SH3GL2: variants seen among roughly 807,000 people sequenced by gnomAD.
The protein encoded by SH3GL2 is endophilin-A1.
SH3GL2 carries 24 observed loss-of-function variants against 46.0 expected under a neutral mutation model. The ratio of observed to expected loss-of-function variants is 0.52; its 90% CI spans 0.38 to 0.73. The LOEUF is 0.73. Among genes scored for constraint, SH3GL2 ranks in the 30% least tolerant of loss-of-function variants. The pLI is 0.00. For missense variants in SH3GL2, 413 were observed against 424.2 expected (o/e 0.97, Z 0.23); for synonymous variants, 196 against 147.1 (o/e 1.33, Z -2.40).
chr9:17,740,225 A>C (rs1375755470), intron 1 of SH3GL2, among the ~76,000 whole-genome samples: 2 of 152,150 alleles, frequency 1.3e-5, no homozygotes, highest in African/African-American at 4.8e-5. Context: ...TAGGAAAATA[A>C]ATATATATTT....
At chr9:17,735,727 G>C in intron 1 of SH3GL2, 1 of 969,596 alleles carries the variant, frequency 1.0e-6, no homozygotes, top group Non-Finnish European at 1.2e-6. Context: ...AGAGTTGATT[G>C]AGGCAGTAGG....
intron 1 of SH3GL2, chr9:17,653,947 C>A (rs545146067): frequency 4.9e-6 from 3 of 611,794 alleles, no homozygotes; most frequent in East Asian, 1.4e-4. Context: ...AATGACTAGG[C>A]AGATCTTCTT....
At position 17,795,639 on chromosome 9, in the gene SH3GL2, C is replaced by G; in HGVS notation, c.955C>G (p.Leu319Val). The G allele has an allele frequency of 1.2e-6, 2 of 1,613,866 alleles. No individual in the cohort carries two copies. The highest frequency in any genetic ancestry group is 1.7e-6 in the Non-Finnish European group (2 of 1,179,762). The change falls in exon 9 of 9, where the codon CTC (leucine) becomes GTC (valine). Residue 319 changes from leucine (L) to valine (V), a missense_variant. This residue lies in a region of SH3GL2 where 248 missense variants were observed against 215.0 expected (regional missense o/e 1.15). Coordinates refer to ENST00000380607, the MANE Select transcript of SH3GL2 (RefSeq NM_003026.5). ...LGFKEGDIIT[L>V]TNQIDENWYE... ...ATTTAAAGAGGGCGATATCATCACA[C>G]TCACTAACCAAATTGATGAGAACTG...
chr9:17,612,803 C>A (rs906011349), intron 1 of SH3GL2, among the ~76,000 whole-genome samples: 2 of 151,040 alleles, frequency 1.3e-5, no homozygotes, highest in East Asian at 3.9e-4. Context: ...GAAAGAAACC[C>A]CATACCTATA....
At chr9:17,646,143 C>T (rs1291555195) in intron 1 of SH3GL2, among the ~76,000 whole-genome samples, 1 of 151,484 alleles carries the variant, frequency 6.6e-6, no homozygotes, top group Non-Finnish European at 1.5e-5. Context: ...CTCTGATATC[C>T]TTTCTTCTGC....
intron 1 of SH3GL2, among the ~76,000 whole-genome samples, chr9:17,724,563 G>C (rs888224487): frequency 5.3e-5 from 8 of 152,034 alleles, no homozygotes; most frequent in African/African-American, 1.7e-4. Flanking sequence ...CTGGGGGTGT[G>C]TGTGTGGATA....
chr9:17,682,843 T>C (rs1302559970), intron 1 of SH3GL2, among the ~76,000 whole-genome samples: 1 of 152,276 alleles, frequency 6.6e-6, no homozygotes, highest in South Asian at 2.1e-4. Flanking sequence ...ACATGATGTA[T>C]GTGTATTTGT....
chr9:17,623,086 C>T (rs1317272319), intron 1 of SH3GL2, among the ~76,000 whole-genome samples: 1 of 115,108 alleles, frequency 8.7e-6, no homozygotes. Flanking sequence ...CCTTCCCCTT[C>T]CCCTTTCCTA....
At chr9:17,787,268 G>A (rs1823986963) in intron 4 of SH3GL2, 112 bp from the exon 5 acceptor site, 2 of 812,816 alleles carry the variant, frequency 2.5e-6, no homozygotes, top group African/African-American at 3.4e-5. Context: ...CTTGTCTGTT[G>A]TCTTTAGAAG....
Position 17,787,406 on chromosome 9 carries a change from G to T in SH3GL2, c.358G>T (p.Ala120Ser). The T allele has an allele frequency of 6.2e-7, 1 of 1,613,084 alleles. No individual in the cohort carries two copies. The highest frequency in any genetic ancestry group is 8.5e-7 in the Non-Finnish European group (1 of 1,179,192). Residue 120 changes from alanine (A) to serine (S), a missense_variant, in exon 5 of 9, where the codon GCC becomes TCC. By Grantham distance (99) the Ala-to-Ser change is moderately conservative. Coordinates refer to ENST00000380607, the MANE Select transcript of SH3GL2 (RefSeq NM_003026.5). ...CCCAGCACTTGGTGAGGTCGGGGAG[G>T]CCATGCGGGAACTGTCGGAGGTCAA... ...FGPALGEVGE[A>S]MRELSEVKDS...
In SH3GL2 at chr9:17,650,636, C is replaced by T. The variant is rs576490834; in HGVS notation, c.45+71349C>T. Among the ~76,000 whole-genome samples the T allele has an allele frequency of 3.3e-5, 5 of 152,292 alleles. No individual in the cohort carries two copies. The South Asian group carries it at 6.2e-4, about 19-fold the overall frequency. ...CCTCCCAAAGTGCTGGGATTACAGG[C>T]GTGAGTCACCACGCTCGGCCTTGTC... On this transcript the variant is annotated intron_variant, in intron 1 of 8. Transcript: ENST00000380607.
chr9:17,775,604 A>G (rs1823620148), intron 3 of SH3GL2, among the ~76,000 whole-genome samples: 1 of 152,214 alleles, frequency 6.6e-6, no homozygotes, highest in South Asian at 2.1e-4. Flanking sequence ...GAATACTACT[A>G]CAAATTATTC....
intron 1 of SH3GL2, among the ~76,000 whole-genome samples, chr9:17,737,734 T>A (rs1588288021): frequency 1.3e-5 from 2 of 152,262 alleles, no homozygotes; most frequent in East Asian, 3.9e-4. Context: ...TCTTTAATTG[T>A]TGGTGATGCT....
chr9:17,763,542 C>T (rs113212545), intron 3 of SH3GL2, among the ~76,000 whole-genome samples: 1,625 of 152,182 alleles, frequency 0.011, 17 homozygotes, highest in Middle Eastern at 0.027. Context: ...GGAGCCACCA[C>T]CACAAGCTGG....
intron 1 of SH3GL2, among the ~76,000 whole-genome samples, chr9:17,746,801 T>A (rs1396802254): frequency 6.6e-6 from 1 of 152,196 alleles, no homozygotes; most frequent in African/African-American, 2.4e-5. Flanking sequence ...TATAATGATT[T>A]GTTTGATAGA....
intron 1 of SH3GL2, among the ~76,000 whole-genome samples, chr9:17,724,573 A>ATG (rs1821977121): frequency 1.3e-5 from 2 of 151,766 alleles, no homozygotes; most frequent in Admixed American, 6.6e-5. Flanking sequence ...GTGTGTGGAT[A>ATG]TGTGTGTGCA....
At chr9:17,673,567 C>A (rs1190127096) in intron 1 of SH3GL2, among the ~76,000 whole-genome samples, 1 of 152,128 alleles carries the variant, frequency 6.6e-6, no homozygotes. Context: ...CCTTTAAACA[C>A]TTGGATGATG....
Position 17,579,210 on chromosome 9 carries a change from C to G in SH3GL2, c.-33C>G, listed in dbSNP as rs374064907. 3 of 1,518,820 alleles carry G rather than the reference C, an allele frequency of 2.0e-6. No homozygotes were observed. Among genetic ancestry groups the G allele is most frequent in the South Asian group, 1.2e-5 (1 of 82,594 alleles). The allele number at this position is 1,518,820 out of a possible 1,614,324, so 94.1% of individuals were successfully genotyped here. ...CAGTCCCCCTCCGCCTCCTCCCTCC[C>G]GCACAGCAGCCGCCAGCGCGGCCTC... On this transcript the variant is annotated 5_prime_UTR_variant, in exon 1 of 9. Coordinates refer to ENST00000380607, the MANE Select transcript of SH3GL2 (RefSeq NM_003026.5).
At chr9:17,614,221 T>C (rs987748694) in intron 1 of SH3GL2, among the ~76,000 whole-genome samples, 16 of 148,512 alleles carry the variant, frequency 1.1e-4, no homozygotes, top group Admixed American at 9.0e-4. Flanking sequence ...TTCTGTTCTT[T>C]CTCAGTCTTG....
Sources: allele counts gnomAD v4.1 joint callset (sites outside exome capture counted in the v4.1 genomes callset), GRCh38; gene constraint gnomAD v4.1.1; regional missense constraint gnomAD v4.1.1; transcripts MANE v1.5; gene names NCBI Gene and HGNC (gene_info 2026-07-23, HGNC 2026-07-21).